PRKN: variants seen among roughly 807,000 people sequenced by gnomAD.
PRKN encodes parkin RBR E3 ubiquitin protein ligase.
Under a neutral mutation model 59.5 loss-of-function variants are expected in PRKN, and 56 were observed. The observed-to-expected ratio is 0.94, with a 90% CI of 0.76 to 1.18. PRKN has a LOEUF of 1.18. PRKN is among the 50% of genes most tolerant of loss of function. The pLI is 0.00. For missense variants in PRKN, 657 were observed against 596.4 expected (o/e 1.10, Z -1.06); for synonymous variants, 250 against 222.1 (o/e 1.13, Z -1.12).
Position 162,293,833 on chromosome 6 carries a change from C to T in PRKN, c.172-31068G>A, listed in dbSNP as rs371602678. On this transcript the variant is annotated intron_variant, in intron 2 of 11. Transcript: ENST00000366898. ...AAGGGAGACAGAGAGTGCCCGCCACCGCACCCGGCTAATTTTTTGTATTTT... is the reference window on the plus strand; with the variant it reads ...AAGGGAGACAGAGAGTGCCCGCCACTGCACCCGGCTAATTTTTTGTATTTT... Among the ~76,000 whole-genome samples, 31 of 152,228 alleles carry T rather than the reference C, an allele frequency of 2.0e-4. No homozygotes were observed. The East Asian group carries it at 5.2e-3, about 26-fold the overall frequency.
At chr6:162,332,395 C>A (rs1200916946) in intron 2 of PRKN, among the ~76,000 whole-genome samples, 1 of 152,168 alleles carries the variant, frequency 6.6e-6, no homozygotes, top group East Asian at 1.9e-4. Flanking sequence ...CTCTCCTGAG[C>A]CCTGTAGGCA....
chr6:161,835,615 G>T (rs990256018), intron 6 of PRKN, among the ~76,000 whole-genome samples: 1 of 152,146 alleles, frequency 6.6e-6, no homozygotes, highest in African/African-American at 2.4e-5. Flanking sequence ...GCGTTTCCAC[G>T]CCGGGGATAG....
At position 162,668,992 on chromosome 6, in the gene PRKN, G is replaced by A. The variant is rs373605754; in HGVS notation, c.7+58670C>T. ...TTTTGAGATAGACACAATGATTCCC[G>A]TTTGAGAATCTGAAGTACCAAGACC... On this transcript the variant is annotated intron_variant, in intron 1 of 11. Transcript: ENST00000366898. 1.1e-4 allele frequency among the ~76,000 whole-genome samples: 17 copies of A among 152,202 alleles called. No homozygotes were observed. The East Asian group carries it at 3.3e-3, about 29-fold the overall frequency.
intron 10 of PRKN, chr6:161,370,093 A>G (rs997876889): frequency 2.9e-5 from 10 of 346,670 alleles, no homozygotes; most frequent in Admixed American, 1.1e-4. Context: ...GTTTGTACAC[A>G]TGGAAAAGAC....
intron 1 of PRKN, among the ~76,000 whole-genome samples, chr6:162,637,049 G>A (rs1777741846): frequency 6.6e-6 from 1 of 152,130 alleles, no homozygotes; most frequent in Non-Finnish European, 1.5e-5. Flanking sequence ...AATGTCAGGA[G>A]TTCAAGATGA....
At chr6:162,039,430 C>A (rs1196814949) in intron 5 of PRKN, among the ~76,000 whole-genome samples, 2 of 152,148 alleles carry the variant, frequency 1.3e-5, no homozygotes, top group Non-Finnish European at 2.9e-5. Flanking sequence ...TGGCTTAGTG[C>A]CATTCTCAAG....
chr6:161,704,833 C>T (rs1319807554), intron 7 of PRKN, among the ~76,000 whole-genome samples: 1 of 152,210 alleles, frequency 6.6e-6, no homozygotes, highest in Non-Finnish European at 1.5e-5. Flanking sequence ...TCATACTTCA[C>T]ATCTGCTCAG....
At position 161,448,415 on chromosome 6, in the gene PRKN, A is replaced by G. The variant is rs1226070410; in HGVS notation, c.1084-61538T>C. On this transcript the variant is annotated intron_variant, in intron 9 of 11. Transcript: ENST00000366898. The surrounding 1 kb of genome is among the most constrained non-coding windows in gnomAD (Gnocchi z 5.1). ...AATTGTTCCAAAACACAGAAAATACAAAGACTAATGTAATCAGGACTCACA... is the reference window on the plus strand; with the variant it reads ...AATTGTTCCAAAACACAGAAAATACGAAGACTAATGTAATCAGGACTCACA... Among the ~76,000 whole-genome samples, 1 of 152,202 alleles carries G rather than the reference A, an allele frequency of 6.6e-6. No individual in the cohort carries two copies. The highest frequency in any genetic ancestry group is 3.2e-3 in the Middle Eastern group (1 of 316).
chr6:161,396,979 T>G lies in PRKN; in HGVS notation c.1084-10102A>C, dbSNP rs1445917892. Among the ~76,000 whole-genome samples the G allele has an allele frequency of 2.6e-5, 4 of 152,214 alleles. No homozygotes were observed. Among genetic ancestry groups the G allele is most frequent in the South Asian group, 4.1e-4 (2 of 4,834 alleles). ...AATGATACATTAACCCTTTATTGTA[T>G]GTTGAGCAGTCTCATAGGTGCCCTG... On this transcript the variant is annotated intron_variant, in intron 9 of 11. Coordinates refer to ENST00000366898, the MANE Select transcript of PRKN (RefSeq NM_004562.3). This position sits in a 1 kb window ranked among gnomAD's most constrained non-coding sequence, Gnocchi z 5.4.
In PRKN at chr6:161,388,188, C is replaced by T. The variant is rs1786350886; in HGVS notation, c.1084-1311G>A. ...GCCACCTGAAACACCTTGGGAAAGC[C>T]ACCTTGGTTTCTGTGCCTTGGTTTC... is the stretch of plus-strand genomic sequence containing the variant. On this transcript the variant is annotated intron_variant, in intron 9 of 11. Transcript: ENST00000366898. The surrounding 1 kb of genome is among the most constrained non-coding windows in gnomAD (Gnocchi z 4.3). Among the ~76,000 whole-genome samples, 1 of 152,170 alleles carries T rather than the reference C, an allele frequency of 6.6e-6. No individual in the cohort carries two copies. Among genetic ancestry groups the T allele is most frequent in the African/African-American group, 2.4e-5 (1 of 41,434 alleles).
chr6:161,932,120 T>TA (rs1000654238), intron 6 of PRKN, among the ~76,000 whole-genome samples: 1 of 152,020 alleles, frequency 6.6e-6, no homozygotes, highest in African/African-American at 2.4e-5. Flanking sequence ...ATTTTTATTA[T>TA]AAAAAATTCA....
chr6:162,559,642 C>T (rs1330823092), intron 1 of PRKN, among the ~76,000 whole-genome samples: 5 of 152,124 alleles, frequency 3.3e-5, no homozygotes, highest in Non-Finnish European at 7.4e-5. Context: ...GTTATAGAGG[C>T]TACATAAAAA....
intron 11 of PRKN, among the ~76,000 whole-genome samples, chr6:161,350,972 TAA>T: frequency 2.3e-5 from 1 of 43,150 alleles, no homozygotes; most frequent in African/African-American, 1.0e-4. Context: ...AAAATATATA[TAA>T]ATATATTTTA....
At chr6:162,048,917 C>T (rs967133119) in intron 5 of PRKN, among the ~76,000 whole-genome samples, 6 of 152,064 alleles carry the variant, frequency 3.9e-5, no homozygotes, top group Non-Finnish European at 7.4e-5. Flanking sequence ...ATTTCACTAA[C>T]GGAGAAAATC....
intron 2 of PRKN, among the ~76,000 whole-genome samples, chr6:162,339,025 C>G (rs1269196221): frequency 1.3e-5 from 2 of 149,766 alleles, no homozygotes; most frequent in African/African-American, 4.9e-5. Context: ...GCAACCACCC[C>G]GTCTGAGAAG....
At chr6:161,890,815 T>C (rs1329495789) in intron 6 of PRKN, among the ~76,000 whole-genome samples, 1 of 152,196 alleles carries the variant, frequency 6.6e-6, no homozygotes, top group Admixed American at 6.5e-5. Flanking sequence ...TTTTCCATAG[T>C]GTTATTTCAC....
intron 2 of PRKN, among the ~76,000 whole-genome samples, chr6:162,336,664 C>T (rs1277186896): frequency 1.3e-5 from 2 of 152,228 alleles, no homozygotes; most frequent in African/African-American, 4.8e-5. Context: ...TAGCTCAACA[C>T]TTATTCTCAA....
intron 9 of PRKN, among the ~76,000 whole-genome samples, chr6:161,516,272 A>C: frequency 6.6e-6 from 1 of 151,638 alleles, no homozygotes; most frequent in East Asian, 1.9e-4. Context: ...ACATGGTGAA[A>C]CCCCATCTCT....
At chr6:161,367,086 G>A (rs1785236684) in intron 10 of PRKN, among the ~76,000 whole-genome samples, 2 of 148,936 alleles carry the variant, frequency 1.3e-5, no homozygotes, top group Non-Finnish European at 3.0e-5. Flanking sequence ...CGCCTCCCGG[G>A]TTCACGCCAT....
Sources: gnomAD v4.1 joint callset for allele counts (sites outside exome capture counted in the v4.1 genomes callset) on GRCh38, gnomAD v4.1.1 for gene constraint, Gnocchi (gnomAD v3.1) non-coding constraint, MANE v1.5 for transcripts, NCBI Gene and HGNC (gene_info 2026-07-23, HGNC 2026-07-21) for gene names.